Variants in ERC2 observed in about 807,000 individuals in gnomAD.
ERC2 encodes ELKS/RAB6-interacting/CAST family member 2, also known as ERC protein 2.
ERC2 carries 42 observed loss-of-function variants against 114.8 expected under a neutral mutation model. The observed-to-expected ratio is 0.37, with a 90% CI of 0.29 to 0.47. The LOEUF is 0.47. ERC2 is among the 20% of genes least tolerant of loss of function. The pLI, the probability that ERC2 is intolerant of heterozygous loss-of-function variation, is 0.99. For synonymous variants in ERC2, 454 were observed against 425.5 expected (o/e 1.07, Z -0.82); for missense variants, 939 against 1,150.7 (o/e 0.82, Z 2.66).
intron 4 of ERC2, among the ~76,000 whole-genome samples, chr3:56,151,050 G>A (rs772937205): frequency 3.9e-5 from 6 of 152,084 alleles, no homozygotes; most frequent in Non-Finnish European, 4.4e-5. Context: ...TATCATGCTG[G>A]CACCCTAATC....
intron 17 of ERC2, among the ~76,000 whole-genome samples, chr3:55,593,909 G>A (rs569274741): frequency 9.2e-5 from 14 of 151,902 alleles, no homozygotes; most frequent in African/African-American, 2.2e-4. Context: ...AGTATTCCTC[G>A]ACTCTCCATC....
intron 17 of ERC2, among the ~76,000 whole-genome samples, chr3:55,626,058 G>A (rs1176373431): frequency 2.6e-5 from 4 of 152,102 alleles, no homozygotes; most frequent in Admixed American, 2.0e-4. Context: ...AGCTACTTTC[G>A]CTTCCCAGAG....
chr3:55,948,465 T>C (rs1199672927), intron 13 of ERC2, among the ~76,000 whole-genome samples: 1 of 152,230 alleles, frequency 6.6e-6, no homozygotes, highest in East Asian at 1.9e-4. Context: ...CAGTAATTAC[T>C]ACATCTGAGC....
chr3:55,543,903 G>A (rs1026846684), intron 17 of ERC2, among the ~76,000 whole-genome samples: 1 of 152,022 alleles, frequency 6.6e-6, no homozygotes, highest in African/African-American at 2.4e-5. Context: ...ACCTCCCCAC[G>A]ATCCTCAATT....
chr3:55,834,042 TTCAACAAGAAG>T (rs2060751265), intron 14 of ERC2, among the ~76,000 whole-genome samples: 1 of 151,524 alleles, frequency 6.6e-6, no homozygotes, highest in Admixed American at 6.6e-5. Context: ...AAGGGATCAA[TTCAACAAGAAG>T]AGCTAACTAT....
At chr3:55,926,606 C>A (rs2065767894) in intron 13 of ERC2, among the ~76,000 whole-genome samples, 2 of 152,068 alleles carry the variant, frequency 1.3e-5, no homozygotes, top group Non-Finnish European at 2.9e-5. Flanking sequence ...GGGTTTGAAT[C>A]TTGGGTCTGT....
At chr3:55,652,990 T>C (rs184634718) in intron 17 of ERC2, among the ~76,000 whole-genome samples, 8 of 152,246 alleles carry the variant, frequency 5.3e-5, no homozygotes, top group Admixed American at 1.3e-4. Flanking sequence ...TCTGAGTTCA[T>C]GGCTTAGATT....
chr3:55,710,208 G>T (rs924382284), intron 15 of ERC2, among the ~76,000 whole-genome samples: 32 of 152,104 alleles, frequency 2.1e-4, no homozygotes, highest in African/African-American at 7.2e-4. Flanking sequence ...AGGATAGAAG[G>T]TCTCTGTGGA....
At chr3:55,657,407 C>T (rs1156248833) in intron 17 of ERC2, 5 of 152,136 alleles carry the variant, frequency 3.3e-5, no homozygotes, top group South Asian at 2.1e-4. Flanking sequence ...AGTGTGTAGA[C>T]GATAACTCAC....
intron 6 of ERC2, among the ~76,000 whole-genome samples, chr3:56,107,766 G>A (rs191258388): frequency 1.4e-4 from 22 of 152,302 alleles, no homozygotes; most frequent in African/African-American, 5.3e-4. Context: ...AGGGAAAAAT[G>A]TGAGACATGA....
At chr3:56,421,849 A>G (rs1194365066) in intron 2 of ERC2, among the ~76,000 whole-genome samples, 1 of 151,432 alleles carries the variant, frequency 6.6e-6, no homozygotes, top group Non-Finnish European at 1.5e-5. Context: ...TTTTTTTCTT[A>G]AACTTGAATG....
chr3:55,607,779 C>G (rs1186537140), intron 17 of ERC2: 1 of 152,084 alleles, frequency 6.6e-6, no homozygotes, highest in Non-Finnish European at 1.5e-5. Context: ...GAAGGTGGAT[C>G]ACAGTTTGGT....
chr3:56,098,003 G>A (rs2078155738), intron 6 of ERC2, among the ~76,000 whole-genome samples: 1 of 152,172 alleles, frequency 6.6e-6, no homozygotes, highest in Non-Finnish European at 1.5e-5. Flanking sequence ...CAATTTTATA[G>A]GGAGGGGGAA....
intron 17 of ERC2, among the ~76,000 whole-genome samples, chr3:55,515,311 A>T (rs1559581612): frequency 6.8e-6 from 1 of 146,662 alleles, no homozygotes; most frequent in Non-Finnish European, 1.5e-5. Flanking sequence ...ACATTAGAAT[A>T]TTATTAATAT....
At chr3:56,180,977 C>T (rs1349464897) in intron 3 of ERC2, among the ~76,000 whole-genome samples, 1 of 152,198 alleles carries the variant, frequency 6.6e-6, no homozygotes, top group Non-Finnish European at 1.5e-5. Context: ...TCATAAATAA[C>T]ATAAAGCTAA....
intron 7 of ERC2, among the ~76,000 whole-genome samples, chr3:56,028,950 G>A (rs1444184171): frequency 6.6e-6 from 1 of 152,022 alleles, no homozygotes; most frequent in South Asian, 2.1e-4. Flanking sequence ...TTTTGTAAAT[G>A]TGCTTTATCA....
At chr3:55,764,266 C>T (rs2067632176) in intron 14 of ERC2, among the ~76,000 whole-genome samples, 1 of 152,214 alleles carries the variant, frequency 6.6e-6, no homozygotes, top group Admixed American at 6.5e-5. Context: ...AGCACATTTG[C>T]AATTACTTGC....
chr3:56,064,779 T>C (rs1387726680), intron 7 of ERC2, among the ~76,000 whole-genome samples: 6 of 152,258 alleles, frequency 3.9e-5, no homozygotes, highest in Admixed American at 6.5e-5. Context: ...ACTTGTGATC[T>C]ACACCAGAGT....
chr3:55,922,047 C>T (rs1379711), intron 13 of ERC2, among the ~76,000 whole-genome samples: 40,261 of 151,978 alleles, frequency 0.26, 5,654 homozygotes, highest in Admixed American at 0.35. Flanking sequence ...AGAAGTCTTC[C>T]CAGACATACC....
Sources: gnomAD v4.1 joint callset for allele counts (sites outside exome capture counted in the v4.1 genomes callset) on GRCh38, gnomAD v4.1.1 for gene constraint, MANE v1.5 for transcripts, NCBI Gene and HGNC (gene_info 2026-07-23, HGNC 2026-07-21) for gene names.